The following DLGAP2 variants were observed in gnomAD, a reference collection of about 807,000 sequenced individuals.
The protein encoded by DLGAP2 is disks large-associated protein 2.
In DLGAP2, 26 loss-of-function variants were observed where a neutral mutation model predicts 100.3. The observed-to-expected ratio is 0.26, with a 90% CI of 0.19 to 0.36. DLGAP2 has a LOEUF of 0.36. Ranked by LOEUF, DLGAP2 falls within the 10% of genes least tolerant of loss-of-function variation. DLGAP2 has a pLI of 1.00. For missense variants in DLGAP2, 1,858 were observed against 1,453.2 expected (o/e 1.28, Z -4.53); for synonymous variants, 886 against 630.1 (o/e 1.41, Z -6.08).
chr8:1,380,268 G>C (rs558370329), intron 3 of DLGAP2: 2 of 152,224 alleles, frequency 1.3e-5, no homozygotes, highest in South Asian at 2.1e-4. Flanking sequence ...AGTGTTTGCT[G>C]TGCGTGTGGG....
chr8:1,257,680 C>A (rs1442582252), intron 2 of DLGAP2, among the ~76,000 whole-genome samples: 1 of 151,538 alleles, frequency 6.6e-6, no homozygotes, highest in African/African-American at 2.4e-5. Flanking sequence ...TTCTGAGGGC[C>A]CGTGCAGGCC....
chr8:1,596,690 C>T (rs534038259), intron 6 of DLGAP2, among the ~76,000 whole-genome samples: 1 of 152,168 alleles, frequency 6.6e-6, no homozygotes, highest in African/African-American at 2.4e-5. Flanking sequence ...AATGCCTGTT[C>T]ATATCGTTCA....
At position 1,644,426 on chromosome 8, in the gene DLGAP2, G is replaced by A. The variant is rs146469276; in HGVS notation, c.1810+11380G>A. Among the ~76,000 whole-genome samples the A allele has an allele frequency of 5.3e-3, 814 of 152,250 alleles. 3 individuals carry two copies. The highest frequency in any genetic ancestry group is 8.4e-3 in the Non-Finnish European group (571 of 68,022). Reference sequence around the variant, plus strand: ...CCCAGCCAGTCTTCCTGAAATTCTCGCACCTCCATGCCTCTACGGCTGCTG... The same window carrying A: ...CCCAGCCAGTCTTCCTGAAATTCTCACACCTCCATGCCTCTACGGCTGCTG... On this transcript the variant is annotated intron_variant, in intron 8 of 14. Transcript: ENST00000637795.
chr8:1,600,023 C>G (rs1455637617), intron 6 of DLGAP2, among the ~76,000 whole-genome samples: 1 of 151,922 alleles, frequency 6.6e-6, no homozygotes, highest in Non-Finnish European at 1.5e-5. Flanking sequence ...TTTTTGCTTT[C>G]CATGTTTAGT....
chr8:935,156 CG>C (rs1351491371), intron 2 of DLGAP2, among the ~76,000 whole-genome samples: 2 of 152,244 alleles, frequency 1.3e-5, no homozygotes, highest in Non-Finnish European at 2.9e-5. Flanking sequence ...GGCTGCCCCT[CG>C]GGAGTGTTGG....
intron 6 of DLGAP2, among the ~76,000 whole-genome samples, chr8:1,591,550 C>G (rs1796291328): frequency 2.0e-5 from 3 of 151,752 alleles, no homozygotes; most frequent in Non-Finnish European, 2.9e-5. Context: ...CACTCCACCT[C>G]CACTGTTCAC....
At chr8:1,184,908 C>G (rs927476214) in intron 2 of DLGAP2, among the ~76,000 whole-genome samples, 1 of 152,178 alleles carries the variant, frequency 6.6e-6, no homozygotes. Flanking sequence ...AAAGGTGACT[C>G]ACTTGCCCCA....
At chr8:1,093,671 A>G (rs1374006271) in intron 2 of DLGAP2, among the ~76,000 whole-genome samples, 2 of 152,142 alleles carry the variant, frequency 1.3e-5, no homozygotes, top group Non-Finnish European at 2.9e-5. Context: ...AAACACCTTC[A>G]CACCAACAGC....
At chr8:1,533,576 A>G (rs2130463032) in intron 4 of DLGAP2, among the ~76,000 whole-genome samples, 1 of 152,258 alleles carries the variant, frequency 6.6e-6, no homozygotes, top group African/African-American at 2.4e-5. Context: ...ATACTGTCTG[A>G]CTATTTTCAG....
At chr8:1,222,174 AGTT>A (rs1323500582) in intron 2 of DLGAP2, among the ~76,000 whole-genome samples, 2 of 152,268 alleles carry the variant, frequency 1.3e-5, no homozygotes, top group Non-Finnish European at 2.9e-5. Flanking sequence ...GAGTTACCAG[AGTT>A]GTTGTGCTGG....
chr8:1,047,659 G>T (rs534926061), intron 2 of DLGAP2, among the ~76,000 whole-genome samples: 1 of 152,100 alleles, frequency 6.6e-6, no homozygotes, highest in East Asian at 1.9e-4. Flanking sequence ...GTCCCTAGAT[G>T]GCCTCCCACT....
intron 1 of DLGAP2, among the ~76,000 whole-genome samples, chr8:813,442 C>T (rs1585891495): frequency 1.3e-5 from 2 of 152,086 alleles, no homozygotes; most frequent in African/African-American, 4.8e-5. Flanking sequence ...CATCTTGTTT[C>T]TTTTTATTAG....
intron 2 of DLGAP2, among the ~76,000 whole-genome samples, chr8:1,027,775 G>A (rs1195011903): frequency 3.0e-5 from 4 of 131,648 alleles, no homozygotes; most frequent in Non-Finnish European, 6.4e-5. Flanking sequence ...GGGGTGTCAG[G>A]CGCCCGTTAT....
Position 1,469,063 on chromosome 8 carries a change from C to T in DLGAP2, c.107-32303C>T, listed in dbSNP as rs577234673. 1.3e-3 allele frequency among the ~76,000 whole-genome samples: 198 copies of T among 151,996 alleles called. 1 individual carries two copies. Among genetic ancestry groups the T allele is most frequent in the African/African-American group, 4.6e-3 (188 of 41,238 alleles). On this transcript the variant is annotated intron_variant, in intron 3 of 14. Transcript: ENST00000637795. ...TGTCAACACATCCTTCTAGGGGACACAGTTCAACGCATGACATGTCCTGTC... is the reference window on the plus strand; with the variant it reads ...TGTCAACACATCCTTCTAGGGGACATAGTTCAACGCATGACATGTCCTGTC...
intron 8 of DLGAP2, among the ~76,000 whole-genome samples, chr8:1,654,346 T>G (rs548487098): frequency 3.2e-4 from 49 of 152,326 alleles, no homozygotes; most frequent in African/African-American, 8.2e-4. Context: ...TGTTTTCATC[T>G]AAGAAGCTTT....
chr8:1,368,022 A>G (rs1212615852), intron 3 of DLGAP2, among the ~76,000 whole-genome samples: 2 of 152,118 alleles, frequency 1.3e-5, no homozygotes, highest in Non-Finnish European at 2.9e-5. Flanking sequence ...GATTGGTTTT[A>G]TTTTGGGGAT....
chr8:1,337,418 G>GATGATGGTGAT (rs1801308247), intron 3 of DLGAP2, among the ~76,000 whole-genome samples: 1 of 866 alleles, frequency 1.2e-3, no homozygotes, highest in African/African-American at 6.6e-3. Flanking sequence ...GTGATGGTGA[G>GATGATGGTGAT]GATGATGGTG....
intron 5 of DLGAP2, among the ~76,000 whole-genome samples, chr8:1,556,136 C>T (rs1027039413): frequency 3.1e-4 from 47 of 152,326 alleles, no homozygotes; most frequent in African/African-American, 1.1e-3. Flanking sequence ...TGATCTAAGA[C>T]CCTGAGGAAC....
chr8:1,654,093 T>A (rs1352230214), intron 8 of DLGAP2, among the ~76,000 whole-genome samples: 1 of 152,154 alleles, frequency 6.6e-6, no homozygotes, highest in Non-Finnish European at 1.5e-5. Flanking sequence ...CCTACAGAAT[T>A]AGCCCTCCCT....
Sources: gnomAD v4.1 joint callset for allele counts (sites outside exome capture counted in the v4.1 genomes callset) on GRCh38, gnomAD v4.1.1 for gene constraint, MANE v1.5 for transcripts, NCBI Gene and HGNC (gene_info 2026-07-23, HGNC 2026-07-21) for gene names.